Variants in SCFD2 observed in about 807,000 individuals in gnomAD.
SCFD2 encodes the protein sec1 family domain-containing protein 2.
SCFD2 carries 54 observed loss-of-function variants against 58.9 expected under a neutral mutation model. That is an observed-to-expected ratio of 0.92 (90% CI 0.74 to 1.15). SCFD2 has a LOEUF of 1.15. SCFD2 is among the 50% of genes most tolerant of loss of function. SCFD2 has a pLI of 0.00. For synonymous variants in SCFD2, 321 were observed against 335.9 expected (o/e 0.96, Z 0.49); for missense variants, 805 against 836.6 (o/e 0.96, Z 0.47).
chr4:52,924,598 C>T lies in SCFD2; in HGVS notation c.1562-3728G>A, dbSNP rs556809042. On this transcript the variant is annotated intron_variant, in intron 5 of 8. Transcript: ENST00000401642. ...CATCCTCAAAGTTCTATGATATATA[C>T]GTTTTAGGGATACTGGGCCAAAGGT... Among the ~76,000 whole-genome samples the T allele has an allele frequency of 1.1e-4, 16 of 152,260 alleles. No individual in the cohort carries two copies. The East Asian group carries it at 1.3e-3, about 13-fold the overall frequency.
intron 5 of SCFD2, among the ~76,000 whole-genome samples, chr4:53,133,185 G>T (rs185131799): frequency 2.0e-5 from 3 of 151,946 alleles, no homozygotes; most frequent in African/African-American, 4.8e-5. Flanking sequence ...GAAATTAGCC[G>T]GGCGTGGTGG....
At chr4:53,340,778 C>G (rs11947322) in intron 2 of SCFD2, among the ~76,000 whole-genome samples, 1 of 152,162 alleles carries the variant, frequency 6.6e-6, no homozygotes, top group Non-Finnish European at 1.5e-5. Context: ...GAGGAAAGAT[C>G]AGGCAGCAAC....
intron 5 of SCFD2, among the ~76,000 whole-genome samples, chr4:53,037,941 G>A (rs1283075005): frequency 1.3e-5 from 2 of 152,114 alleles, no homozygotes; most frequent in Non-Finnish European, 1.5e-5. Context: ...AAACCCTGGG[G>A]AATATAGATC....
chr4:52,947,943 C>A (rs1296270035), intron 5 of SCFD2, among the ~76,000 whole-genome samples: 4 of 34,124 alleles, frequency 1.2e-4, no homozygotes, highest in African/African-American at 2.3e-4. Context: ...TGGAAAAATA[C>A]AAACAACCAA....
chr4:53,140,466 T>C (rs1446857443), intron 5 of SCFD2, among the ~76,000 whole-genome samples: 1 of 146,346 alleles, frequency 6.8e-6, no homozygotes, highest in Admixed American at 6.9e-5. Flanking sequence ...AAATAAAATT[T>C]AAGTTTCCTA....
intron 5 of SCFD2, among the ~76,000 whole-genome samples, chr4:52,931,520 C>G (rs919078329): frequency 7.9e-5 from 12 of 152,212 alleles, no homozygotes; most frequent in Non-Finnish European, 1.0e-4. Context: ...CCACCACCCC[C>G]CTCCGCCTCC....
rs186540247 is a variant in SCFD2 at position 52,928,608 on chromosome 4, C to A, written c.1562-7738G>T. ...CCCAGAAGTCTCCCTTCTGGCTCCC[C>A]GACTATGCTGATCCCATGACTGTTG... is the stretch of plus-strand genomic sequence containing the variant. On this transcript the variant is annotated intron_variant, in intron 5 of 8. Coordinates refer to ENST00000401642, the MANE Select transcript of SCFD2 (RefSeq NM_152540.4). 1.0e-3 allele frequency among the ~76,000 whole-genome samples: 154 copies of A among 152,250 alleles called. 1 individual carries two copies. Among genetic ancestry groups the A allele is most frequent in the African/African-American group, 3.5e-3 (147 of 41,554 alleles).
intron 5 of SCFD2, among the ~76,000 whole-genome samples, chr4:53,109,446 A>G (rs1340839344): frequency 6.6e-6 from 1 of 152,248 alleles, no homozygotes; most frequent in African/African-American, 2.4e-5. Flanking sequence ...TGCAGATGAC[A>G]TGATTGTATA....
chr4:53,299,195 GA>G (rs1379607226), intron 3 of SCFD2, among the ~76,000 whole-genome samples: 3 of 152,010 alleles, frequency 2.0e-5, no homozygotes, highest in South Asian at 2.1e-4. Context: ...TAAAAACTTT[GA>G]AAAAAAGTTA....
intron 4 of SCFD2, among the ~76,000 whole-genome samples, chr4:53,151,920 G>A (rs866106144): frequency 3.3e-5 from 5 of 152,004 alleles, no homozygotes; most frequent in Non-Finnish European, 7.4e-5. Context: ...GAGAGAAGTG[G>A]GGAGGTACCA....
chr4:52,970,570 C>T (rs1721073981), intron 5 of SCFD2, among the ~76,000 whole-genome samples: 1 of 152,334 alleles, frequency 6.6e-6, no homozygotes, highest in Admixed American at 6.5e-5. Flanking sequence ...CTGCCTGCCT[C>T]TGTAGACTCC....
chr4:53,285,184 G>A (rs1731628124), intron 3 of SCFD2, among the ~76,000 whole-genome samples: 1 of 152,164 alleles, frequency 6.6e-6, no homozygotes, highest in East Asian at 1.9e-4. Flanking sequence ...AAAACCATCA[G>A]AAACATTTAC....
At chr4:53,248,127 G>C (rs890119322) in intron 4 of SCFD2, among the ~76,000 whole-genome samples, 3 of 152,228 alleles carry the variant, frequency 2.0e-5, no homozygotes, top group Non-Finnish European at 2.9e-5. Flanking sequence ...CAAGGGATCA[G>C]GGAGTTCCCT....
chr4:53,152,637 T>C (rs1726545083), intron 4 of SCFD2, among the ~76,000 whole-genome samples: 1 of 152,140 alleles, frequency 6.6e-6, no homozygotes, highest in Non-Finnish European at 1.5e-5. Flanking sequence ...CAATAAAAAA[T>C]ACAGTCATCC....
In SCFD2 at chr4:53,274,879, A is replaced by G. The variant is rs536196337; in HGVS notation, c.1136-878T>C. Among the ~76,000 whole-genome samples, 12 of 152,334 alleles carry G rather than the reference A, an allele frequency of 7.9e-5. No homozygotes were observed. In the South Asian group the frequency reaches 2.1e-3, roughly 26 times the overall value. ...AAAAAGGCAATGGGGCCAAACATAGATGTAAGCCAAGTAATTCATTCCTAT... is the reference window on the plus strand; with the variant it reads ...AAAAAGGCAATGGGGCCAAACATAGGTGTAAGCCAAGTAATTCATTCCTAT... On this transcript the variant is annotated intron_variant, in intron 3 of 8. Transcript: ENST00000401642.
chr4:53,189,171 G>A (rs1446713171), intron 4 of SCFD2, among the ~76,000 whole-genome samples: 1 of 152,176 alleles, frequency 6.6e-6, no homozygotes, highest in African/African-American at 2.4e-5. Context: ...GTAAGCTATT[G>A]CTGTTGGGCA....
chr4:53,214,996 T>G (rs1363519686), intron 4 of SCFD2, among the ~76,000 whole-genome samples: 1 of 152,144 alleles, frequency 6.6e-6, no homozygotes, highest in Non-Finnish European at 1.5e-5. Context: ...GGCTCTGTTC[T>G]GTTCCATTGG....
chr4:53,207,578 A>ATATAATATATATAATATT (rs1728467867), intron 4 of SCFD2, among the ~76,000 whole-genome samples: 2 of 458 alleles, frequency 4.4e-3, no homozygotes, highest in African/African-American at 5.5e-3. Flanking sequence ...TAATATTTAT[A>ATATAATATATATAATATT]TATATATAAT....
intron 3 of SCFD2, among the ~76,000 whole-genome samples, chr4:53,310,861 A>G (rs1480736205): frequency 6.6e-6 from 1 of 152,216 alleles, no homozygotes; most frequent in Non-Finnish European, 1.5e-5. Flanking sequence ...AAATTTAAAT[A>G]CAAGGGAATC....
Sources: gnomAD v4.1 joint callset for allele counts (sites outside exome capture counted in the v4.1 genomes callset) on GRCh38, gnomAD v4.1.1 for gene constraint, MANE v1.5 for transcripts, NCBI Gene and HGNC (gene_info 2026-07-23, HGNC 2026-07-21) for gene names.